Variants in CAMTA1 observed in about 807,000 individuals in gnomAD.
CAMTA1 encodes the protein calmodulin binding transcription activator 1, also known as calmodulin-binding transcription activator 1.
CAMTA1 carries 27 observed loss-of-function variants against 170.9 expected under a neutral mutation model. That is an observed-to-expected ratio of 0.16 (90% CI 0.12 to 0.22). The LOEUF is 0.22. Among genes scored for constraint, CAMTA1 ranks in the 10% least tolerant of loss-of-function variants. The probability of loss-of-function intolerance (pLI) is 1.00; values close to 1 mark genes in which losing one functional copy is unlikely to be tolerated. For synonymous variants in CAMTA1, 833 were observed against 891.5 expected (o/e 0.93, Z 1.17); for missense variants, 1,619 against 2,217.2 (o/e 0.73, Z 5.42).
At chr1:7,712,380 G>A (rs147761385) in intron 11 of CAMTA1, among the ~76,000 whole-genome samples, 1 of 152,068 alleles carries the variant, frequency 6.6e-6, no homozygotes, top group East Asian at 1.9e-4. Flanking sequence ...AAGTGTAGTG[G>A]TGCAATCTCG....
chr1:6,903,095 C>T (rs1353800010), intron 3 of CAMTA1, among the ~76,000 whole-genome samples: 1 of 152,184 alleles, frequency 6.6e-6, no homozygotes, highest in Non-Finnish European at 1.5e-5. Flanking sequence ...CAGTGGAATA[C>T]TGCTGAGTAA....
chr1:6,939,759 C>T (rs75858808), intron 3 of CAMTA1, among the ~76,000 whole-genome samples: 11,036 of 152,326 alleles, frequency 0.072, 793 homozygotes, highest in Admixed American at 0.25. Flanking sequence ...GGTCACCCTT[C>T]GTCACGGCGC....
intron 4 of CAMTA1, among the ~76,000 whole-genome samples, chr1:7,109,475 G>C (rs931052023): frequency 6.6e-6 from 1 of 152,134 alleles, no homozygotes; most frequent in Admixed American, 6.5e-5. Context: ...TTGGATTCAG[G>C]GATGGTGAAT....
intron 6 of CAMTA1, among the ~76,000 whole-genome samples, chr1:7,639,410 C>G (rs2148925266): frequency 6.6e-6 from 1 of 152,266 alleles, no homozygotes; most frequent in East Asian, 1.9e-4. Flanking sequence ...GATGGGGTGA[C>G]AGAAGAGCTC....
At chr1:6,884,677 C>T (rs1672676691) in intron 3 of CAMTA1, among the ~76,000 whole-genome samples, 1 of 152,180 alleles carries the variant, frequency 6.6e-6, no homozygotes, top group Non-Finnish European at 1.5e-5. Context: ...TGTTAGGAAG[C>T]GAGCCCATTT....
Position 7,619,302 on chromosome 1 carries a change from C to A in CAMTA1, c.511-21098C>A, listed in dbSNP as rs899811682. ...CCTACGCGGAAAGCCAGAGAGAGTG[C>A]GAACTGCAGGGTCAGCCTATTCAGG... is the stretch of plus-strand genomic sequence containing the variant. On this transcript the variant is annotated intron_variant, in intron 6 of 22. Transcript: ENST00000303635. 3.3e-5 allele frequency among the ~76,000 whole-genome samples: 5 copies of A among 152,186 alleles called. No individual in the cohort carries two copies. In the South Asian group the frequency reaches 6.2e-4, roughly 19 times the overall value.
chr1:7,400,373 G>A (rs2097518), intron 5 of CAMTA1, among the ~76,000 whole-genome samples: 96,186 of 151,972 alleles, frequency 0.63, 31,629 homozygotes, highest in Middle Eastern at 0.76. Context: ...TTCAGATCAT[G>A]ATTTGTTTTC....
chr1:7,031,682 G>A (rs931897735), intron 3 of CAMTA1, among the ~76,000 whole-genome samples: 1 of 152,112 alleles, frequency 6.6e-6, no homozygotes, highest in Non-Finnish European at 1.5e-5. Context: ...TGGGACTACA[G>A]GCGCGTGCCA....
intron 5 of CAMTA1, among the ~76,000 whole-genome samples, chr1:7,374,182 G>T (rs979138818): frequency 6.6e-6 from 1 of 152,204 alleles, no homozygotes; most frequent in Non-Finnish European, 1.5e-5. Flanking sequence ...CAGACAGTGC[G>T]CCTGGTCCCA....
At chr1:7,461,855 C>T (rs550194033) in intron 5 of CAMTA1, among the ~76,000 whole-genome samples, 14 of 152,366 alleles carry the variant, frequency 9.2e-5, no homozygotes, top group Admixed American at 3.3e-4. Flanking sequence ...ACATCCCAAA[C>T]GAAGTACAAT....
intron 5 of CAMTA1, among the ~76,000 whole-genome samples, chr1:7,253,981 G>A (rs986836106): frequency 2.0e-5 from 3 of 152,116 alleles, no homozygotes; most frequent in Non-Finnish European, 2.9e-5. Flanking sequence ...ATGCAACCCT[G>A]ATGCAGGGTT....
intron 8 of CAMTA1, 139 bp downstream of exon 8, chr1:7,662,005 C>T: frequency 9.7e-7 from 1 of 1,028,642 alleles, no homozygotes. Flanking sequence ...TGGGCGACAC[C>T]ACCGCACCCA....
At chr1:7,577,346 G>A (rs1399428312) in intron 6 of CAMTA1, among the ~76,000 whole-genome samples, 1 of 152,096 alleles carries the variant, frequency 6.6e-6, no homozygotes, top group Non-Finnish European at 1.5e-5. Flanking sequence ...ACTTTAAGGA[G>A]TAGCCCCAAC....
intron 5 of CAMTA1, among the ~76,000 whole-genome samples, chr1:7,414,549 G>C (rs2091021303): frequency 1.3e-5 from 2 of 152,142 alleles, no homozygotes; most frequent in South Asian, 4.2e-4. Flanking sequence ...TTTGCGTAGA[G>C]GTGTTTGTAG....
At chr1:7,675,939 G>T (rs1036450382) in intron 10 of CAMTA1, among the ~76,000 whole-genome samples, 1 of 152,226 alleles carries the variant, frequency 6.6e-6, no homozygotes, top group African/African-American at 2.4e-5. Flanking sequence ...CCATTCCAGC[G>T]TTGCTGCAGG....
At chr1:7,052,142 G>T (rs1314156405) in intron 3 of CAMTA1, among the ~76,000 whole-genome samples, 1 of 152,270 alleles carries the variant, frequency 6.6e-6, no homozygotes, top group East Asian at 1.9e-4. Flanking sequence ...TTGTCCTTGA[G>T]TCTGCATCTT....
intron 4 of CAMTA1, among the ~76,000 whole-genome samples, chr1:7,221,524 A>G (rs772342545): frequency 2.0e-5 from 3 of 152,080 alleles, no homozygotes; most frequent in Non-Finnish European, 4.4e-5. Context: ...GAATTCTGCA[A>G]ATTTCTTTGG....
chr1:6,914,163 G>A (rs944293463), intron 3 of CAMTA1, among the ~76,000 whole-genome samples: 1 of 146,276 alleles, frequency 6.8e-6, no homozygotes, highest in Non-Finnish European at 1.5e-5. Flanking sequence ...GGAGTGCAAC[G>A]GCGTGATCTC....
chr1:7,323,372 C>CA (rs960647601), intron 5 of CAMTA1, among the ~76,000 whole-genome samples: 1 of 152,080 alleles, frequency 6.6e-6, no homozygotes, highest in African/African-American at 2.4e-5. Context: ...CTTGCTCCCC[C>CA]ATGGCCTTCA....
Sources: allele counts gnomAD v4.1 joint callset (sites outside exome capture counted in the v4.1 genomes callset), GRCh38; gene constraint gnomAD v4.1.1; transcripts MANE v1.5; gene names NCBI Gene and HGNC (gene_info 2026-07-23, HGNC 2026-07-21).